The following STK32B variants were observed in gnomAD, a reference collection of about 807,000 sequenced individuals.
STK32B encodes serine/threonine-protein kinase 32B.
In STK32B, 43 loss-of-function variants were observed where a neutral mutation model predicts 52.6. The ratio of observed to expected loss-of-function variants is 0.82; its 90% confidence interval spans 0.64 to 1.05. The LOEUF (loss-of-function observed/expected upper bound fraction) is 1.05, where lower values mean the gene tolerates loss of function less well. Among genes scored for constraint, STK32B ranks in the 50% least tolerant of loss-of-function variants. STK32B has a pLI of 0.00. For synonymous variants in STK32B, 238 were observed against 204.3 expected, an observed-to-expected ratio of 1.17 and a Z score of -1.41; for missense variants, 621 against 534.6, an observed-to-expected ratio of 1.16 and a Z score of -1.59.
chr4:5,374,783 G>C (rs113074536), intron 4 of STK32B, among the ~76,000 whole-genome samples: 1,544 of 150,682 alleles, frequency 0.01, 50 homozygotes, highest in African/African-American at 0.036. Flanking sequence ...CGGGGGCGGG[G>C]GGGGAACACC....
intron 1 of STK32B, among the ~76,000 whole-genome samples, chr4:5,089,474 A>G (rs1032474553): frequency 1.3e-5 from 2 of 152,116 alleles, no homozygotes; most frequent in African/African-American, 2.4e-5. Context: ...GCTGAGGATG[A>G]TGGCTTCTAG....
intron 3 of STK32B, among the ~76,000 whole-genome samples, chr4:5,269,246 G>T (rs934152707): frequency 6.6e-6 from 1 of 152,156 alleles, no homozygotes; most frequent in Non-Finnish European, 1.5e-5. Context: ...ACAGGGCTGA[G>T]AAAAGTGCCC....
chr4:5,122,376 A>AC (rs1553828494), intron 1 of STK32B, among the ~76,000 whole-genome samples: 2 of 24,734 alleles, frequency 8.1e-5, no homozygotes, highest in East Asian at 6.1e-3. Flanking sequence ...TCATTCACTC[A>AC]TTCATTCACT....
At chr4:5,330,237 A>G (rs1030855380) in intron 3 of STK32B, among the ~76,000 whole-genome samples, 1 of 152,176 alleles carries the variant, frequency 6.6e-6, no homozygotes, top group Non-Finnish European at 1.5e-5. Context: ...ACATTATGCA[A>G]TTCTGTGATT....
At chr4:5,359,721 G>A (rs954019534) in intron 4 of STK32B, among the ~76,000 whole-genome samples, 1 of 152,158 alleles carries the variant, frequency 6.6e-6, no homozygotes, top group African/African-American at 2.4e-5. Flanking sequence ...GGGTGAGGTG[G>A]CAACATTTCC....
At chr4:5,446,881 C>A in intron 7 of STK32B, 105 bp downstream of exon 7, 2 of 1,065,090 alleles carry the variant, frequency 1.9e-6, no homozygotes, top group Non-Finnish European at 2.8e-6. Context: ...GGAAGGAGCA[C>A]TGGGGGAGTC....
At chr4:5,297,871 T>A (rs2108892034) in intron 3 of STK32B, among the ~76,000 whole-genome samples, 1 of 152,186 alleles carries the variant, frequency 6.6e-6, no homozygotes, top group East Asian at 1.9e-4. Flanking sequence ...ATTCTGGTTT[T>A]TGGAATTTTC....
chr4:5,407,534 G>A (rs926321315), intron 5 of STK32B, among the ~76,000 whole-genome samples: 4 of 152,090 alleles, frequency 2.6e-5, no homozygotes, highest in Non-Finnish European at 5.9e-5. Context: ...AGGTTTAATT[G>A]ACTCACAGTT....
At chr4:5,139,786 T>C in intron 1 of STK32B, 119 bp from the exon 2 acceptor site, 1 of 1,109,460 alleles carries the variant, frequency 9.0e-7, no homozygotes, top group Non-Finnish European at 1.4e-6. Flanking sequence ...CTGGCAAGTA[T>C]AGTGCACCTG....
intron 1 of STK32B, among the ~76,000 whole-genome samples, chr4:5,090,588 C>T (rs1713022366): frequency 1.3e-5 from 2 of 152,160 alleles, no homozygotes; most frequent in Non-Finnish European, 1.5e-5. Context: ...TGGTCTCGAT[C>T]TCCTGACCTC....
intron 3 of STK32B, among the ~76,000 whole-genome samples, chr4:5,171,854 G>C (rs929069083): frequency 7.9e-5 from 12 of 150,970 alleles, no homozygotes; most frequent in Non-Finnish European, 1.6e-4. Context: ...GAAAGTCATT[G>C]GTAGCTTGAT....
At chr4:5,172,293 C>A (rs913232411) in intron 3 of STK32B, among the ~76,000 whole-genome samples, 10 of 152,070 alleles carry the variant, frequency 6.6e-5, no homozygotes, top group Admixed American at 1.3e-4. Context: ...AATTGAATAC[C>A]CTTTATTTCC....
At chr4:5,249,470 C>A (rs1725742280) in intron 3 of STK32B, among the ~76,000 whole-genome samples, 1 of 140,860 alleles carries the variant, frequency 7.1e-6, no homozygotes, top group Non-Finnish European at 1.5e-5. Context: ...TTCCTTCCTT[C>A]CTTCCTTCCT....
chr4:5,459,639 G>C (rs889634761), intron 8 of STK32B, among the ~76,000 whole-genome samples: 3 of 152,152 alleles, frequency 2.0e-5, no homozygotes, highest in African/African-American at 7.2e-5. Context: ...GTGTCCCCTT[G>C]GCTACAAATG....
At position 5,051,790 on chromosome 4, in the gene STK32B, C is replaced by G. The variant is rs1741793168; in HGVS notation, c.-74C>G. 3.2e-6 allele frequency: 5 copies of G among 1,547,150 alleles called. No individual in the cohort carries two copies. Among genetic ancestry groups the G allele is most frequent in the Non-Finnish European group, 4.4e-6 (5 of 1,144,878 alleles). ...TGGGCGCGCCCCCGGCATCCCGCAT[C>G]TCTGCGCGCGTCCCACATCCCGCAT... On this transcript the variant is annotated 5_prime_UTR_variant, in exon 1 of 12. It adds an upstream start codon to the 5' untranslated region. Coordinates refer to ENST00000282908, the MANE Select transcript of STK32B (RefSeq NM_018401.3).
intron 3 of STK32B, among the ~76,000 whole-genome samples, chr4:5,234,333 G>A (rs1313083575): frequency 1.3e-5 from 2 of 152,148 alleles, no homozygotes; most frequent in South Asian, 2.1e-4. Context: ...CCAAGTGCAC[G>A]TTGCACCTTG....
intron 1 of STK32B, among the ~76,000 whole-genome samples, chr4:5,060,840 CT>C (rs1359795462): frequency 1.1e-4 from 16 of 152,062 alleles, no homozygotes; most frequent in Admixed American, 2.6e-4. Context: ...GATTTATTGT[CT>C]TTTGCCCTCC....
At chr4:5,461,618 C>A (rs541586301) in intron 9 of STK32B, among the ~76,000 whole-genome samples, 1 of 152,220 alleles carries the variant, frequency 6.6e-6, no homozygotes, top group African/African-American at 2.4e-5. Flanking sequence ...CTGTGAGCAG[C>A]GTTGCATCCC....
chr4:5,264,765 C>T (rs941659661), intron 3 of STK32B, among the ~76,000 whole-genome samples: 2 of 151,486 alleles, frequency 1.3e-5, no homozygotes, highest in African/African-American at 4.9e-5. Context: ...CCAGCCTGGG[C>T]AACAGAGCGA....
Sources: allele counts gnomAD v4.1 joint callset (sites outside exome capture counted in the v4.1 genomes callset), GRCh38; gene constraint gnomAD v4.1.1; transcripts MANE v1.5; gene names NCBI Gene and HGNC (gene_info 2026-07-23, HGNC 2026-07-21).